ANKS1B: variants seen among roughly 807,000 people sequenced by gnomAD.
ANKS1B encodes the protein ankyrin repeat and sterile alpha motif domain containing 1B.
In ANKS1B, 36 loss-of-function variants were observed where a neutral mutation model predicts 148.3. The ratio of observed to expected loss-of-function variants is 0.24; its 90% CI spans 0.19 to 0.32. ANKS1B has a LOEUF of 0.32. Ranked by LOEUF, ANKS1B falls within the 10% of genes least tolerant of loss-of-function variation. The pLI, the probability that ANKS1B is intolerant of heterozygous loss-of-function variation, is 1.00. For missense variants in ANKS1B, 1,157 were observed against 1,542.6 expected (o/e 0.75, Z 4.19); for synonymous variants, 542 against 560.8 (o/e 0.97, Z 0.47).
Position 98,744,731 on chromosome 12 carries a change from A to G in ANKS1B, c.*1008T>C. 1 of 983,250 alleles carries G rather than the reference A, an allele frequency of 1.0e-6. No individual in the cohort carries two copies. The allele number at this position is 983,250 out of a possible 1,614,324, so 60.9% of individuals were successfully genotyped here. On this transcript the variant is annotated 3_prime_UTR_variant, in exon 27 of 27. Coordinates refer to ENST00000683438, the MANE Select transcript of ANKS1B (RefSeq NM_001352186.2). ...TAGAAAAAGAAATTTTTGCAATAGA[A>G]TTTTATTAACACCTTTCTCAAACAA... is the stretch of plus-strand genomic sequence containing the variant.
chr12:98,846,655 G>A (rs928110263), intron 17 of ANKS1B, among the ~76,000 whole-genome samples: 1 of 152,216 alleles, frequency 6.6e-6, no homozygotes, highest in African/African-American at 2.4e-5. Context: ...ACTTCCTTCA[G>A]GTTTTAAGCT....
At chr12:99,362,932 A>G (rs1354434411) in intron 12 of ANKS1B, among the ~76,000 whole-genome samples, 2 of 152,068 alleles carry the variant, frequency 1.3e-5, no homozygotes, top group Non-Finnish European at 2.9e-5. Flanking sequence ...TGAGATAAAT[A>G]CCCAAAGCAA....
intron 9 of ANKS1B, among the ~76,000 whole-genome samples, chr12:99,510,061 T>G (rs930048400): frequency 6.6e-6 from 1 of 152,004 alleles, no homozygotes; most frequent in African/African-American, 2.4e-5. Context: ...TTACTGAATA[T>G]TTTAAGCCCA....
chr12:98,918,603 TG>T (rs1416146439), intron 17 of ANKS1B, among the ~76,000 whole-genome samples: 1 of 152,192 alleles, frequency 6.6e-6, no homozygotes, highest in African/African-American at 2.4e-5. Context: ...AATATATTCT[TG>T]GATTAAATGG....
At chr12:99,137,357 G>A (rs933962433) in intron 15 of ANKS1B, among the ~76,000 whole-genome samples, 2 of 152,150 alleles carry the variant, frequency 1.3e-5, no homozygotes, top group Non-Finnish European at 2.9e-5. Flanking sequence ...AGGGGCCAAC[G>A]ATTACCCAGT....
intron 15 of ANKS1B, among the ~76,000 whole-genome samples, chr12:99,109,314 T>A (rs1051156669): frequency 6.6e-6 from 1 of 152,154 alleles, no homozygotes. Context: ...CCTTGCCTAT[T>A]ACATATAACA....
intron 24 of ANKS1B, among the ~76,000 whole-genome samples, chr12:98,777,034 A>C (rs1167599165): frequency 6.6e-6 from 1 of 152,194 alleles, no homozygotes. Context: ...CTCCAAAAAA[A>C]CTTAAATAAT....
At chr12:98,756,546 A>G (rs2098247106) in intron 25 of ANKS1B, among the ~76,000 whole-genome samples, 1 of 124,170 alleles carries the variant, frequency 8.1e-6, no homozygotes, top group Admixed American at 7.8e-5. Flanking sequence ...CCCCATCCCT[A>G]CTAAAAATAC....
At chr12:99,016,771 C>A (rs2099942805) in intron 17 of ANKS1B, among the ~76,000 whole-genome samples, 1 of 152,146 alleles carries the variant, frequency 6.6e-6, no homozygotes, top group Admixed American at 6.5e-5. Flanking sequence ...AGGGAAAAAT[C>A]AAAATGGAAA....
intron 12 of ANKS1B, among the ~76,000 whole-genome samples, chr12:99,314,919 C>T (rs562276048): frequency 2.0e-5 from 3 of 151,852 alleles, no homozygotes; most frequent in Admixed American, 6.6e-5. Flanking sequence ...CTGACAAATA[C>T]GATCTAATTA....
chr12:99,669,006 C>T (rs1222994095), intron 8 of ANKS1B, among the ~76,000 whole-genome samples: 1 of 152,044 alleles, frequency 6.6e-6, no homozygotes, highest in Non-Finnish European at 1.5e-5. Flanking sequence ...ATCTACATTT[C>T]TCTATTCATG....
intron 1 of ANKS1B, among the ~76,000 whole-genome samples, chr12:99,838,593 C>G (rs2085219698): frequency 6.6e-6 from 1 of 152,070 alleles, no homozygotes; most frequent in African/African-American, 2.4e-5. Context: ...CATCTTTCAG[C>G]CGAACTTATG....
chr12:99,852,121 TACAAAC>T (rs2087975414), intron 1 of ANKS1B, among the ~76,000 whole-genome samples: 2 of 152,144 alleles, frequency 1.3e-5, no homozygotes, highest in Admixed American at 6.5e-5. Context: ...TGGTCAAAGG[TACAAAC>T]ACAATAGAAA....
chr12:99,285,300 C>T (rs1218867991), intron 12 of ANKS1B, among the ~76,000 whole-genome samples: 1 of 152,074 alleles, frequency 6.6e-6, no homozygotes, highest in Non-Finnish European at 1.5e-5. Context: ...TAGTTCATTC[C>T]TTTTTATTGC....
intron 15 of ANKS1B, among the ~76,000 whole-genome samples, chr12:99,115,145 T>C (rs2061084491): frequency 6.6e-6 from 1 of 152,094 alleles, no homozygotes; most frequent in Non-Finnish European, 1.5e-5. Context: ...GGAATATAAA[T>C]CATCCTCCCA....
intron 14 of ANKS1B, among the ~76,000 whole-genome samples, chr12:99,208,408 G>C (rs2082934386): frequency 1.3e-5 from 2 of 151,994 alleles, no homozygotes; most frequent in Non-Finnish European, 2.9e-5. Flanking sequence ...AAGTCTTCTT[G>C]ACCTTGAATT....
chr12:99,867,467 C>A (rs1053337489), intron 1 of ANKS1B, among the ~76,000 whole-genome samples: 3 of 152,128 alleles, frequency 2.0e-5, no homozygotes, highest in Admixed American at 1.3e-4. Context: ...CTCCACGTGG[C>A]TAGGAAGGCC....
chr12:99,481,548 G>A (rs1244098399), intron 10 of ANKS1B, among the ~76,000 whole-genome samples: 1 of 151,684 alleles, frequency 6.6e-6, no homozygotes, highest in South Asian at 2.1e-4. Context: ...TTTCCTTTGG[G>A]TAGACCTAGT....
intron 12 of ANKS1B, among the ~76,000 whole-genome samples, 171 bp downstream of exon 12, chr12:99,399,460 A>G (rs1223256981): frequency 6.6e-6 from 1 of 152,156 alleles, no homozygotes; most frequent in Non-Finnish European, 1.5e-5. Flanking sequence ...CATGTATTCA[A>G]AAAGAATATT....
Sources: gnomAD v4.1 joint callset for allele counts (sites outside exome capture counted in the v4.1 genomes callset) on GRCh38, gnomAD v4.1.1 for gene constraint, MANE v1.5 for transcripts, NCBI Gene and HGNC (gene_info 2026-07-23, HGNC 2026-07-21) for gene names.